CDK18: variants seen among roughly 807,000 people sequenced by gnomAD.
CDK18 encodes the protein cyclin-dependent kinase 18.
In CDK18, 52 loss-of-function variants were observed where a neutral mutation model predicts 62.0. The observed-to-expected ratio is 0.84, with a 90% CI of 0.67 to 1.06. CDK18 has a LOEUF of 1.06. Ranked by LOEUF, CDK18 falls within the 50% of genes least tolerant of loss-of-function variation. The probability of loss-of-function intolerance (pLI) is 0.00; values close to 1 mark genes in which losing one functional copy is unlikely to be tolerated. For synonymous variants in CDK18, 237 were observed against 247.0 expected, an observed-to-expected ratio of 0.96 and a Z score of 0.38; for missense variants, 604 against 619.9, an observed-to-expected ratio of 0.97 and a Z score of 0.27.
intron 1 of CDK18, among the ~76,000 whole-genome samples, chr1:205,521,331 C>G (rs540963886): frequency 6.6e-6 from 1 of 152,356 alleles, no homozygotes; most frequent in South Asian, 2.1e-4. Flanking sequence ...CCTGCTTCAG[C>G]CTCCCAAGTA....
At chr1:205,505,903 C>A (rs1477215155) in intron 1 of CDK18, among the ~76,000 whole-genome samples, 1 of 152,162 alleles carries the variant, frequency 6.6e-6, no homozygotes, top group African/African-American at 2.4e-5. Flanking sequence ...TCTTCCCCAC[C>A]CCTAGCCCAG....
At chr1:205,526,870 G>A (rs1668461151) in intron 8 of CDK18, 33 bp downstream of exon 8, 1 of 1,572,128 alleles carries the variant, frequency 6.4e-7, no homozygotes, top group Non-Finnish European at 8.8e-7. Flanking sequence ...CCCCCATCTT[G>A]GCAGCCACCT....
In CDK18 at chr1:205,523,687, G is replaced by C. The variant is rs1463198460; in HGVS notation, c.273+62G>C. On this transcript the variant is annotated intron_variant, in intron 3 of 15. Coordinates refer to ENST00000429964, the MANE Select transcript of CDK18 (RefSeq NM_212502.3). ...GGATGCACGCACAAGGGTGTGCACA[G>C]GAGGGCAGCTGCCTTACAGCCAGAC... 8.0e-6 allele frequency: 12 copies of C among 1,506,122 alleles called. No individual in the cohort carries two copies. Among genetic ancestry groups the C allele is most frequent in the Non-Finnish European group, 1.1e-5 (12 of 1,121,802 alleles). The allele number at this position is 1,506,122 out of a possible 1,614,324, so 93.3% of individuals were successfully genotyped here.
chr1:205,524,375 C>T lies in CDK18; in HGVS notation c.399+18C>T, dbSNP rs1229541770. On this transcript the variant is annotated intron_variant, in intron 4 of 15. Coordinates refer to ENST00000429964, the MANE Select transcript of CDK18 (RefSeq NM_212502.3). Reference sequence around the variant, plus strand: ...CCTCCCTGGTGAGTCCCAAGAGGGTCAGAGGACACAAGGTGGGGTGATATG... The same window carrying T: ...CCTCCCTGGTGAGTCCCAAGAGGGTTAGAGGACACAAGGTGGGGTGATATG... The T allele has an allele frequency of 6.2e-7, 1 of 1,613,818 alleles. No individual in the cohort carries two copies. The highest frequency in any genetic ancestry group is 1.3e-5 in the African/African-American group (1 of 74,944).
At chr1:205,529,699 C>T (rs532886847) in intron 13 of CDK18, 136 bp downstream of exon 13, 9 of 1,548,904 alleles carry the variant, frequency 5.8e-6, no homozygotes, top group Middle Eastern at 1.7e-4. Flanking sequence ...GTACTCTCCA[C>T]CCCCAAGGCC....
Position 205,530,314 on chromosome 1 carries a change from G to A in CDK18, c.1277G>A (p.Arg426Gln), listed in dbSNP as rs760915150. ...GCTGCCCTGAGTCACTCCTACTTCC[G>A]GTCTCTGGGAGAGCGTGTGCACCAG... ...AEAALSHSYF[R>Q]SLGERVHQLE... Residue 426 changes from arginine to glutamine, a missense_variant, in exon 14 of 16, where the codon CGG becomes CAG. Physicochemically the swap from Arg to Gln is conservative, Grantham distance 43 (BLOSUM62 1). Coordinates refer to ENST00000429964, the MANE Select transcript of CDK18 (RefSeq NM_212502.3). 1.2e-5 allele frequency: 20 copies of A among 1,613,098 alleles called. No homozygotes were observed. Among genetic ancestry groups the A allele is most frequent in the East Asian group, 6.7e-5 (3 of 44,898 alleles).
Position 205,529,510 on chromosome 1 carries a change from TCTC to T in CDK18, c.1179-8_1179-6del. The T allele has an allele frequency of 1.9e-6, 3 of 1,610,232 alleles. No homozygotes were observed. Among genetic ancestry groups the T allele is most frequent in the Non-Finnish European group, 2.5e-6 (3 of 1,177,540 alleles). On this transcript the variant is annotated splice_region_variant and splice_polypyrimidine_tract_variant and intron_variant, in intron 12 of 15. Transcript: ENST00000429964. ...TCAGGCACAGCCTGTGTCCGCGCCTTCTCCTTGCAGGTTGGATACGGATGGCAT... is the reference window on the plus strand; with the variant it reads ...TCAGGCACAGCCTGTGTCCGCGCCTTCTTGCAGGTTGGATACGGATGGCAT...
In CDK18 at chr1:205,523,285, C is replaced by G. The variant is rs200256810; in HGVS notation, c.118C>G (p.Arg40Gly). ...GGAGCAATTCAACCAGCTCCACAACCGGCGGAATGAGAGTGAGGGGTCTGG... is the reference window on the plus strand; with the variant it reads ...GGAGCAATTCAACCAGCTCCACAACGGGCGGAATGAGAGTGAGGGGTCTGG... The part of the protein sequence containing the change: ...FTEQFNQLHN[R>G]RNENLQLGPL... Residue 40 changes from arginine (R) to glycine (G), a missense_variant, in exon 2 of 16, where the codon CGG becomes GGG. Arg to Gly is a moderately radical substitution (Grantham distance 125). Coordinates refer to ENST00000429964, the MANE Select transcript of CDK18 (RefSeq NM_212502.3). The G allele has an allele frequency of 6.2e-7, 1 of 1,614,136 alleles. No individual in the cohort carries two copies. Among genetic ancestry groups the G allele is most frequent in the East Asian group, 2.2e-5 (1 of 44,876 alleles).
Position 205,517,575 on chromosome 1 carries a change from A to T in CDK18, c.-21-5572A>T, listed in dbSNP as rs913148866. Among the ~76,000 whole-genome samples, 1 of 151,994 alleles carries T rather than the reference A, an allele frequency of 6.6e-6. No homozygotes were observed. The highest frequency in any genetic ancestry group is 1.5e-5 in the Non-Finnish European group (1 of 67,998). ...TCTTCCCACTGAAACCACTACTCCC[A>T]GAATGCCTTGTCTCCTCCAGTGACT... On this transcript the variant is annotated intron_variant, in intron 1 of 15. Coordinates refer to ENST00000429964, the MANE Select transcript of CDK18 (RefSeq NM_212502.3). The surrounding 1 kb of genome is among the most constrained non-coding windows in gnomAD (Gnocchi z 4.1).
In CDK18 at chr1:205,525,150, C is replaced by A; in HGVS notation, c.411C>A (p.Gly137=). 1 of 1,608,460 alleles carries A rather than the reference C, an allele frequency of 6.2e-7. No individual in the cohort carries two copies. The highest frequency in any genetic ancestry group is 8.5e-7 in the Non-Finnish European group (1 of 1,175,830). ...MSRRASLSDI[G]FGKLETYVKL... is the part of the protein sequence containing the mutation. ...TCTCTCCCTCTCAGTCAGACATTGG[C>A]TTTGGGAAACTGGAAACATACGTGA... The change falls in exon 5 of 16, where the codon GGC becomes GGA. Residue 137 remains glycine (G), a synonymous_variant. Coordinates refer to ENST00000429964, the MANE Select transcript of CDK18 (RefSeq NM_212502.3).
At chr1:205,519,636 G>A (rs1309138365) in intron 1 of CDK18, among the ~76,000 whole-genome samples, 1 of 152,108 alleles carries the variant, frequency 6.6e-6, no homozygotes, top group Non-Finnish European at 1.5e-5. Context: ...CCACATTCCT[G>A]CTCCAGTCAG....
In CDK18 at chr1:205,526,473, G is replaced by T. The variant is rs767358439; in HGVS notation, c.666+12G>T. On this transcript the variant is annotated intron_variant, in intron 7 of 15. Coordinates refer to ENST00000429964, the MANE Select transcript of CDK18 (RefSeq NM_212502.3). ...TGTTTGAGTACCTGGTGAGAGTCCG[G>T]CTGGGGCTGGCCGCCTCTCCCTCTT... 1.3e-5 allele frequency: 21 copies of T among 1,598,812 alleles called. No individual in the cohort carries two copies. The highest frequency in any genetic ancestry group is 1.7e-5 in the Non-Finnish European group (20 of 1,166,666).
At chr1:205,514,812 T>A (rs962168584) in intron 1 of CDK18, among the ~76,000 whole-genome samples, 9 of 152,144 alleles carry the variant, frequency 5.9e-5, no homozygotes, top group Non-Finnish European at 1.3e-4. Context: ...TCCTGAAGGA[T>A]CTCACAGTCT....
chr1:205,511,958 G>A (rs570148229), intron 1 of CDK18, among the ~76,000 whole-genome samples: 2 of 152,336 alleles, frequency 1.3e-5, no homozygotes, highest in African/African-American at 4.8e-5. Context: ...GGAGGCTGAG[G>A]CAGGAGAATT....
intron 1 of CDK18, among the ~76,000 whole-genome samples, chr1:205,520,673 T>C (rs1211662284): frequency 6.7e-6 from 1 of 149,898 alleles, no homozygotes; most frequent in East Asian, 2.0e-4. Flanking sequence ...GCACTCCAGC[T>C]TGGGTGATAG....
Position 205,524,227 on chromosome 1 carries a change from C to T in CDK18, c.274-5C>T. 1 of 1,614,158 alleles carries T rather than the reference C, an allele frequency of 6.2e-7. No homozygotes were observed. The stretch of plus-strand genomic sequence containing the variant: ...GGTGTCCCCATCTCATCCCTGTCAC[C>T]ACAGGACGTCAGCAAGAGGCTCTCT... On this transcript the variant is annotated splice_region_variant and splice_polypyrimidine_tract_variant and intron_variant, in intron 3 of 15. Transcript: ENST00000429964.
Position 205,528,782 on chromosome 1 carries a change from C to T in CDK18, c.975-217C>T. The T allele has an allele frequency of 2.1e-6, 1 of 469,992 alleles. No homozygotes were observed. Among genetic ancestry groups the T allele is most frequent in the South Asian group, 4.8e-5 (1 of 20,778 alleles). The allele number at this position is 469,992 out of a possible 1,614,324, so 29.1% of individuals were successfully genotyped here. ...GGGACTTTCCTCACAGAGTGAAAGT[C>T]GCAGCTTTCCCGAGCCCAGGGAAGC... On this transcript the variant is annotated intron_variant, in intron 10 of 15. Transcript: ENST00000429964. This position sits in a 1 kb window ranked among gnomAD's most constrained non-coding sequence, Gnocchi z 4.2.
At chr1:205,530,605 G>A (rs747122661) in intron 14 of CDK18, 23 bp from the exon 15 acceptor site, 2 of 1,610,884 alleles carry the variant, frequency 1.2e-6, no homozygotes, top group Non-Finnish European at 1.7e-6. Context: ...GCCCTCTCCA[G>A]ACTATGCACT....
rs573431446 is a variant in CDK18, at chr1:205,532,227, C to A, written c.*849C>A. Reference sequence around the variant, plus strand: ...TGTGACCGGCTCCTGCCTGTCCACCCCTTCCCGAGGTGGCTCCTGCTTACC... The same window carrying A: ...TGTGACCGGCTCCTGCCTGTCCACCACTTCCCGAGGTGGCTCCTGCTTACC... On this transcript the variant is annotated 3_prime_UTR_variant, in exon 16 of 16. Coordinates refer to ENST00000429964, the MANE Select transcript of CDK18 (RefSeq NM_212502.3). The A allele has an allele frequency of 2.0e-5, 3 of 152,904 alleles. No homozygotes were observed. The East Asian group carries it at 5.8e-4, about 30-fold the overall frequency. The allele number at this position is 152,904 out of a possible 1,614,324, so 9.5% of individuals were successfully genotyped here.
Sources: gnomAD v4.1 joint callset for allele counts (sites outside exome capture counted in the v4.1 genomes callset) on GRCh38, gnomAD v4.1.1 for gene constraint, Gnocchi (gnomAD v3.1) non-coding constraint, MANE v1.5 for transcripts, NCBI Gene and HGNC (gene_info 2026-07-23, HGNC 2026-07-21) for gene names.